SGMS1: variants seen among roughly 807,000 people sequenced by gnomAD.
SGMS1 encodes phosphatidylcholine:ceramide cholinephosphotransferase 1.
In SGMS1, 13 loss-of-function variants were observed where a neutral mutation model predicts 46.2. The observed-to-expected ratio is 0.28, with a 90% CI of 0.18 to 0.45. SGMS1 has a LOEUF of 0.45. SGMS1 is among the 20% of genes least tolerant of loss of function. The pLI, the probability that SGMS1 is intolerant of heterozygous loss-of-function variation, is 1.00. For synonymous variants in SGMS1, 203 were observed against 187.8 expected (o/e 1.08, Z -0.66); for missense variants, 324 against 519.9 (o/e 0.62, Z 3.66).
rs193115047 is a variant in SGMS1, at chr10:50,617,200, T to A, written c.-684+6507A>T. Among the ~76,000 whole-genome samples, 46 of 152,310 alleles carry A rather than the reference T, an allele frequency of 3.0e-4. No individual in the cohort carries two copies. The East Asian group carries it at 8.5e-3, about 28-fold the overall frequency. On this transcript the variant is annotated intron_variant, in intron 1 of 10. Coordinates refer to ENST00000361781, the MANE Select transcript of SGMS1 (RefSeq NM_147156.4). ...GTGGTGACAACAATGTAAATGTACT[T>A]GATGCCACTGAATTATACACTTAAA...
intron 6 of SGMS1, among the ~76,000 whole-genome samples, chr10:50,408,463 A>C (rs1273733757): frequency 7.9e-5 from 12 of 151,468 alleles, no homozygotes; most frequent in African/African-American, 2.7e-4. Context: ...AAACAAAATA[A>C]AAACTTTTTT....
intron 8 of SGMS1, among the ~76,000 whole-genome samples, chr10:50,320,135 G>A (rs534464095): frequency 2.0e-5 from 3 of 152,246 alleles, no homozygotes; most frequent in South Asian, 4.1e-4. Flanking sequence ...GATGGCTTCT[G>A]CCATGTGGAT....
chr10:50,536,352 C>CA (rs976363045), intron 2 of SGMS1, among the ~76,000 whole-genome samples: 14 of 151,312 alleles, frequency 9.3e-5, no homozygotes, highest in African/African-American at 2.4e-4. Flanking sequence ...AACAAACAAA[C>CA]AAAAAAAACC....
chr10:50,350,681 C>A (rs561758471), intron 6 of SGMS1, among the ~76,000 whole-genome samples: 9 of 152,294 alleles, frequency 5.9e-5, no homozygotes, highest in African/African-American at 2.2e-4. Flanking sequence ...AGGGTGGAAG[C>A]CCCAAGCCTT....
At chr10:50,393,452 G>A (rs1848804785) in intron 6 of SGMS1, among the ~76,000 whole-genome samples, 1 of 152,066 alleles carries the variant, frequency 6.6e-6, no homozygotes. Context: ...GTCACTTAAC[G>A]GGAAGATACC....
chr10:50,311,356 G>A lies in SGMS1; in HGVS notation c.801C>T (p.Gly267=), dbSNP rs777854461. The A allele has an allele frequency of 1.9e-6, 3 of 1,613,986 alleles. No homozygotes were observed. Among genetic ancestry groups the A allele is most frequent in the East Asian group, 4.5e-5 (2 of 44,892 alleles). Residue 267 remains glycine, a synonymous_variant, in exon 9 of 11, where the codon GGC becomes GGT. Transcript: ENST00000361781. The part of the protein sequence containing the change: ...RRIMKLIAGG[G]LSITGSHNMC... Reference sequence around the variant, plus strand: ...TGTTGTGAGAGCCAGTGATAGACAAGCCACCTCCAGCAATGAGCTTCATTA... The same window carrying A: ...TGTTGTGAGAGCCAGTGATAGACAAACCACCTCCAGCAATGAGCTTCATTA...
chr10:50,376,306 A>T (rs1848520576), intron 6 of SGMS1, among the ~76,000 whole-genome samples: 1 of 152,024 alleles, frequency 6.6e-6, no homozygotes. Flanking sequence ...GATGTGCCTT[A>T]CTCTTGCTGG....
intron 6 of SGMS1, among the ~76,000 whole-genome samples, chr10:50,357,422 C>T (rs1313111698): frequency 1.3e-5 from 2 of 152,098 alleles, no homozygotes; most frequent in Non-Finnish European, 2.9e-5. Flanking sequence ...ATCTGGCACT[C>T]GCTAGAAACA....
At chr10:50,524,052 T>C (rs1217348799) in intron 2 of SGMS1, among the ~76,000 whole-genome samples, 5 of 152,252 alleles carry the variant, frequency 3.3e-5, no homozygotes, top group Non-Finnish European at 7.3e-5. Context: ...AATCAATGCA[T>C]GACAAGTTAT....
chr10:50,311,110 G>A (rs2133274378), intron 9 of SGMS1, 152 bp downstream of exon 9: 2 of 841,296 alleles, frequency 2.4e-6, no homozygotes, highest in South Asian at 3.7e-5. Context: ...TTCCCTGGGT[G>A]CCAGTTGCAT....
intron 2 of SGMS1, among the ~76,000 whole-genome samples, chr10:50,551,873 A>G (rs140510800): frequency 5.3e-5 from 8 of 152,146 alleles, no homozygotes; most frequent in African/African-American, 1.9e-4. Flanking sequence ...CTGACACACA[A>G]ATCTGAAGAT....
intron 1 of SGMS1, among the ~76,000 whole-genome samples, chr10:50,620,478 C>T (rs1838839205): frequency 6.6e-6 from 1 of 152,138 alleles, no homozygotes; most frequent in Admixed American, 6.5e-5. Flanking sequence ...GAATAGTTTG[C>T]CATATGAAGT....
intron 2 of SGMS1, among the ~76,000 whole-genome samples, chr10:50,586,662 C>T (rs1564438471): frequency 6.6e-6 from 1 of 152,184 alleles, no homozygotes; most frequent in African/African-American, 2.4e-5. Context: ...TGAGAAGGGA[C>T]ATGGTGAGTC....
At chr10:50,455,426 A>G (rs1837179133) in intron 5 of SGMS1, among the ~76,000 whole-genome samples, 1 of 152,258 alleles carries the variant, frequency 6.6e-6, no homozygotes, top group African/African-American at 2.4e-5. Context: ...TAAGGTCTTC[A>G]TACATTGATA....
intron 2 of SGMS1, among the ~76,000 whole-genome samples, chr10:50,582,556 T>C (rs10218927): frequency 0.075 from 11,454 of 152,174 alleles, 1,282 homozygotes; most frequent in African/African-American, 0.25. Context: ...AAACTCAGAA[T>C]ACTGGATCTG....
At chr10:50,578,679 C>T (rs1413372131) in intron 2 of SGMS1, among the ~76,000 whole-genome samples, 1 of 152,114 alleles carries the variant, frequency 6.6e-6, no homozygotes, top group Non-Finnish European at 1.5e-5. Context: ...AATACCAATG[C>T]TGCAAATTCT....
chr10:50,347,679 C>T (rs1272857097), intron 6 of SGMS1, among the ~76,000 whole-genome samples: 6 of 152,012 alleles, frequency 3.9e-5, no homozygotes, highest in African/African-American at 1.5e-4. Flanking sequence ...GGGAGATGAA[C>T]ACAGGCTTTT....
intron 6 of SGMS1, chr10:50,418,146 G>T (rs1849202412): frequency 6.6e-6 from 1 of 152,168 alleles, no homozygotes; most frequent in African/African-American, 2.4e-5. Context: ...CTCAGGGTGC[G>T]CGCAGCCAGC....
chr10:50,543,275 T>C (rs1215282466), intron 2 of SGMS1, among the ~76,000 whole-genome samples: 2 of 152,176 alleles, frequency 1.3e-5, no homozygotes, highest in Non-Finnish European at 2.9e-5. Context: ...CTTGGAATTA[T>C]GGAAAGGAAA....
Sources: gnomAD v4.1 joint callset for allele counts (sites outside exome capture counted in the v4.1 genomes callset) on GRCh38, gnomAD v4.1.1 for gene constraint, MANE v1.5 for transcripts, NCBI Gene and HGNC (gene_info 2026-07-23, HGNC 2026-07-21) for gene names.